Variants in TBCA observed in about 807,000 individuals in gnomAD.
TBCA encodes tubulin folding cofactor A, also known as tubulin-specific chaperone A.
In TBCA, 6 loss-of-function variants were observed where a neutral mutation model predicts 15.8. The ratio of observed to expected loss-of-function variants is 0.38; its 90% confidence interval spans 0.21 to 0.75. The LOEUF (loss-of-function observed/expected upper bound fraction) is 0.75, where lower values mean the gene tolerates loss of function less well. Ranked by LOEUF, TBCA falls within the 30% of genes least tolerant of loss-of-function variation. TBCA has a pLI of 0.46. For missense variants in TBCA, 90 were observed against 131.2 expected, an observed-to-expected ratio of 0.69 and a Z score of 1.53; for synonymous variants, 32 against 42.3, an observed-to-expected ratio of 0.76 and a Z score of 0.94.
At chr5:77,700,699 C>T (rs1246838868) in intron 2 of TBCA, among the ~76,000 whole-genome samples, 6 of 152,178 alleles carry the variant, frequency 3.9e-5, no homozygotes, top group African/African-American at 1.2e-4. Flanking sequence ...CTAGTAATTG[C>T]ACTCTCAGGC....
At chr5:77,774,392 G>A (rs1182605573) in intron 1 of TBCA, among the ~76,000 whole-genome samples, 5 of 152,136 alleles carry the variant, frequency 3.3e-5, no homozygotes, top group African/African-American at 9.7e-5. Flanking sequence ...ACCTTTTTAA[G>A]TCTGATAAGA....
intron 1 of TBCA, among the ~76,000 whole-genome samples, chr5:77,744,604 C>T (rs984517961): frequency 2.9e-5 from 4 of 136,636 alleles, no homozygotes; most frequent in Non-Finnish European, 6.1e-5. Context: ...GGCGCGATCT[C>T]GGCTCACTGC....
intron 2 of TBCA, among the ~76,000 whole-genome samples, chr5:77,694,635 T>A (rs2112419621): frequency 6.6e-6 from 1 of 152,246 alleles, no homozygotes; most frequent in East Asian, 1.9e-4. Flanking sequence ...AAAAAAACAA[T>A]GTTTGGTCAA....
intron 1 of TBCA, among the ~76,000 whole-genome samples, chr5:77,768,045 G>A (rs376970950): frequency 3.3e-5 from 5 of 152,178 alleles, no homozygotes; most frequent in East Asian, 1.9e-4. Flanking sequence ...AGTGTTCAGC[G>A]CACCATCCTG....
chr5:77,774,886 C>CA lies in TBCA; in HGVS notation c.53+1318dup, dbSNP rs1747985313. On this transcript the variant is annotated intron_variant, in intron 1 of 3. Transcript: ENST00000380377. ...AAAGGAAAAATAAATCTCAGGACCC[C>CA]AAAATCACTAAGCCAAAAAGAAAAG... 2.6e-5 allele frequency among the ~76,000 whole-genome samples: 4 copies of CA among 151,602 alleles called. No individual in the cohort carries two copies. The South Asian group carries it at 8.3e-4, about 32-fold the overall frequency.
chr5:77,716,163 A>C (rs550961412), intron 1 of TBCA, among the ~76,000 whole-genome samples: 2 of 152,344 alleles, frequency 1.3e-5, no homozygotes, highest in East Asian at 3.9e-4. Context: ...AATAGAAGTT[A>C]ATGAAGACAT....
rs192933646 is a variant in TBCA, at chr5:77,730,659, T to G, written c.54-22312A>C. On this transcript the variant is annotated intron_variant, in intron 1 of 3. Transcript: ENST00000380377. ...CTAGGATGGCACAAGAACATAAATC[T>G]TCCAGTTTCAACTCTTGGAACCTTT... Among the ~76,000 whole-genome samples, 171 of 152,222 alleles carry G rather than the reference T, an allele frequency of 1.1e-3. 2 individuals are homozygous for G. The highest frequency in any genetic ancestry group is 3.9e-3 in the African/African-American group (164 of 41,540).
chr5:77,776,291 G>A lies in TBCA; in HGVS notation c.-34C>T, dbSNP rs1057422924. 8 of 1,564,320 alleles carry A rather than the reference G, an allele frequency of 5.1e-6. No homozygotes were observed. Among genetic ancestry groups the A allele is most frequent in the African/African-American group, 1.4e-5 (1 of 73,544 alleles). On this transcript the variant is annotated 5_prime_UTR_variant, in exon 1 of 4. Coordinates refer to ENST00000380377, the MANE Select transcript of TBCA (RefSeq NM_004607.3). Reference sequence around the variant, plus strand: ...GAGCGCCGCGAGAAGGAGGGGCGGAGAGCCGGGGTAACCGTGGAGGGCGAC... The same window carrying A: ...GAGCGCCGCGAGAAGGAGGGGCGGAAAGCCGGGGTAACCGTGGAGGGCGAC...
intron 1 of TBCA, among the ~76,000 whole-genome samples, chr5:77,774,656 G>A (rs460302): frequency 0.44 from 66,508 of 151,558 alleles, 14,694 homozygotes; most frequent in East Asian, 0.53. Context: ...ATTGATTGAT[G>A]TCTTCTGTCT....
chr5:77,717,792 A>G (rs764266164), intron 1 of TBCA, among the ~76,000 whole-genome samples: 5 of 148,424 alleles, frequency 3.4e-5, no homozygotes, highest in Admixed American at 6.8e-5. Flanking sequence ...AGATCGTGCC[A>G]TTACACTCCA....
chr5:77,697,655 C>T (rs1319257091), intron 2 of TBCA, among the ~76,000 whole-genome samples: 1 of 151,894 alleles, frequency 6.6e-6, no homozygotes, highest in African/African-American at 2.4e-5. Context: ...TTACATTAAT[C>T]AAAAGGAAAG....
intron 1 of TBCA, among the ~76,000 whole-genome samples, chr5:77,712,531 A>T (rs572571182): frequency 1.3e-5 from 2 of 152,262 alleles, no homozygotes; most frequent in Admixed American, 1.3e-4. Context: ...TTGTATTAAG[A>T]TATTTTTCTG....
chr5:77,766,515 T>A (rs1245047412), intron 1 of TBCA, among the ~76,000 whole-genome samples: 2 of 37,726 alleles, frequency 5.3e-5, no homozygotes, highest in African/African-American at 2.2e-4. Flanking sequence ...TTTATTTATT[T>A]TTTTTTTTTT....
intron 2 of TBCA, among the ~76,000 whole-genome samples, chr5:77,702,321 C>T (rs1490454279): frequency 6.6e-6 from 1 of 152,130 alleles, no homozygotes; most frequent in African/African-American, 2.4e-5. Flanking sequence ...TACATCCAAA[C>T]CATGGAATAC....
At chr5:77,753,548 G>C (rs1163139751) in intron 1 of TBCA, among the ~76,000 whole-genome samples, 1 of 152,198 alleles carries the variant, frequency 6.6e-6, no homozygotes, top group Non-Finnish European at 1.5e-5. Flanking sequence ...AGGAGGTAAG[G>C]CAGCAGGGTA....
At chr5:77,752,396 G>GT (rs974604548) in intron 1 of TBCA, among the ~76,000 whole-genome samples, 1 of 151,768 alleles carries the variant, frequency 6.6e-6, no homozygotes, top group Non-Finnish European at 1.5e-5. Flanking sequence ...TTCTGGCTTA[G>GT]TTTTTTCTTT....
chr5:77,736,564 G>C (rs1239757778), intron 1 of TBCA, among the ~76,000 whole-genome samples: 1 of 152,104 alleles, frequency 6.6e-6, no homozygotes, highest in Non-Finnish European at 1.5e-5. Flanking sequence ...CTATATTCCT[G>C]TCACAATGTC....
chr5:77,725,522 G>A (rs369536014), intron 1 of TBCA, among the ~76,000 whole-genome samples: 3 of 152,248 alleles, frequency 2.0e-5, no homozygotes, highest in Middle Eastern at 3.4e-3. Context: ...TGAAAATATC[G>A]CTATTGATAA....
intron 1 of TBCA, among the ~76,000 whole-genome samples, chr5:77,713,483 T>G (rs917846818): frequency 5.3e-5 from 8 of 152,194 alleles, no homozygotes; most frequent in African/African-American, 1.9e-4. Flanking sequence ...AATACTGTGA[T>G]GAGCATCCCT....
Sources: allele counts gnomAD v4.1 joint callset (sites outside exome capture counted in the v4.1 genomes callset), GRCh38; gene constraint gnomAD v4.1.1; transcripts MANE v1.5; gene names NCBI Gene and HGNC (gene_info 2026-07-23, HGNC 2026-07-21).